The following BBS9 variants were observed in gnomAD, a reference collection of about 807,000 sequenced individuals.
The protein encoded by BBS9 is protein PTHB1.
A neutral mutation model predicts 117.7 loss-of-function variants in BBS9; 89 were observed. That is an observed-to-expected ratio of 0.76 (90% CI 0.64 to 0.90). The LOEUF is 0.90. BBS9 is among the 40% of genes least tolerant of loss of function. The pLI, the probability that BBS9 is intolerant of heterozygous loss-of-function variation, is 0.00. For missense variants in BBS9, 982 were observed against 1,042.2 expected (o/e 0.94, Z 0.80); for synonymous variants, 379 against 370.9 (o/e 1.02, Z -0.25).
At chr7:33,384,715 TGAGA>T (rs60567131) in intron 18 of BBS9, among the ~76,000 whole-genome samples, 34 of 144,754 alleles carry the variant, frequency 2.3e-4, no homozygotes, top group East Asian at 7.6e-4. Flanking sequence ...TGTGTGTGTG[TGAGA>T]GAGAGAGAGA....
intron 19 of BBS9, among the ~76,000 whole-genome samples, chr7:33,464,039 A>G (rs1439844174): frequency 6.6e-6 from 1 of 152,078 alleles, no homozygotes; most frequent in African/African-American, 2.4e-5. Flanking sequence ...TGGCAATTCT[A>G]AATTTTTTGT....
At chr7:33,604,658 A>G (rs1259524022) in intron 21 of BBS9, among the ~76,000 whole-genome samples, 5 of 152,200 alleles carry the variant, frequency 3.3e-5, no homozygotes, top group Non-Finnish European at 7.3e-5. Flanking sequence ...CATAATCAGT[A>G]TAATATGTCT....
rs1303550043 is a variant in BBS9 at position 33,388,140 on chromosome 7, A to G, written c.2111A>G (p.Lys704Arg). 6.2e-7 allele frequency: 1 copy of G among 1,613,982 alleles called. No homozygotes were observed. The highest frequency in any genetic ancestry group is 8.5e-7 in the Non-Finnish European group (1 of 1,179,964). Reference sequence around the variant, plus strand: ...GACACCTTGTTAGATGGAACCTACAAGCAGGTCAGTATAATATCAGTAACA... The same window carrying G: ...GACACCTTGTTAGATGGAACCTACAGGCAGGTCAGTATAATATCAGTAACA... ...HLDTLLDGTYKQVIALADAVE... is the reference protein window; with the variant it reads ...HLDTLLDGTYRQVIALADAVE... The change falls in exon 19 of 23, where the codon AAG becomes AGG. Residue 704 changes from lysine (K) to arginine (R), a missense_variant. Transcript: ENST00000242067.
chr7:33,367,045 G>C (rs189999831), intron 16 of BBS9, among the ~76,000 whole-genome samples: 8 of 152,256 alleles, frequency 5.3e-5, no homozygotes, highest in African/African-American at 1.9e-4. Context: ...AGATCCATTA[G>C]TTCACTACAG....
chr7:33,515,859 C>G (rs1252246118), intron 20 of BBS9, among the ~76,000 whole-genome samples: 3 of 152,186 alleles, frequency 2.0e-5, no homozygotes, highest in Admixed American at 1.3e-4. Flanking sequence ...TGCTGTCATT[C>G]TTCAGTCATG....
chr7:33,584,942 A>G (rs1585364147), intron 21 of BBS9, among the ~76,000 whole-genome samples: 1 of 152,110 alleles, frequency 6.6e-6, no homozygotes, highest in Non-Finnish European at 1.5e-5. Context: ...TTGTAATTAA[A>G]TTTTATCCTC....
intron 5 of BBS9, 68 bp downstream of exon 5, chr7:33,177,659 CAG>C: frequency 8.7e-7 from 1 of 1,147,542 alleles, no homozygotes; most frequent in Non-Finnish European, 1.3e-6. Context: ...TCATATAAAA[CAG>C]AGGATTAAGT....
In BBS9 at chr7:33,604,186, C is replaced by T. The variant is rs534469400; in HGVS notation, c.2522-679C>T. ...AAGTTGCAGATGTAGTCAGGAAATT[C>T]TCTCATGATTGTGAGTTTCCCATAC... On this transcript the variant is annotated intron_variant, in intron 21 of 22. Coordinates refer to ENST00000242067, the MANE Select transcript of BBS9 (RefSeq NM_198428.3). Among the ~76,000 whole-genome samples, 4 of 152,312 alleles carry T rather than the reference C, an allele frequency of 2.6e-5. No homozygotes were observed. In the South Asian group the frequency reaches 8.3e-4, roughly 32 times the overall value.
chr7:33,175,822 C>T (rs1056718967), intron 4 of BBS9, among the ~76,000 whole-genome samples: 1 of 152,142 alleles, frequency 6.6e-6, no homozygotes, highest in Non-Finnish European at 1.5e-5. Flanking sequence ...AATTTATTAA[C>T]ATATGCATTG....
chr7:33,419,767 C>A (rs980235093), intron 19 of BBS9, among the ~76,000 whole-genome samples: 4 of 152,054 alleles, frequency 2.6e-5, no homozygotes, highest in African/African-American at 7.2e-5. Flanking sequence ...TCATCAGGTT[C>A]AGAGAGATTA....
intron 9 of BBS9, chr7:33,314,304 A>G (rs1253508826): frequency 2.3e-6 from 1 of 428,234 alleles, no homozygotes; most frequent in Admixed American, 2.7e-5. Flanking sequence ...TCCACTTTAG[A>G]AAAATGAAGT....
rs929261629 is a variant in BBS9 at position 33,383,796 on chromosome 7, A to G, written c.1920A>G (p.Ile640Met). The change falls in exon 18 of 23, where the codon ATA (isoleucine) becomes ATG (methionine). Residue 640 changes from isoleucine to methionine, a missense_variant. Transcript: ENST00000242067. ...KDFACSFSGS[I>M]PLQEYFELID... The stretch of plus-strand genomic sequence containing the variant: ...TTGCATGTTCTTTTTCGGGATCTAT[A>G]CCCCTTCAAGAATATTTTGAGTTGA... 1 of 1,612,718 alleles carries G rather than the reference A, an allele frequency of 6.2e-7. No homozygotes were observed.
intron 2 of BBS9, among the ~76,000 whole-genome samples, chr7:33,151,652 C>T (rs1474745070): frequency 2.0e-5 from 3 of 151,912 alleles, no homozygotes; most frequent in Non-Finnish European, 4.4e-5. Context: ...CGGATTCCAG[C>T]GATTCTCCTG....
chr7:33,332,470 A>G lies in BBS9; in HGVS notation c.1017-3971A>G, dbSNP rs565262909. ...GAGGCAGGTGGATCACGAGGTCAGG[A>G]GTTCGAGACCAGCCTGGCCAAAATG... On this transcript the variant is annotated intron_variant, in intron 9 of 22. Coordinates refer to ENST00000242067, the MANE Select transcript of BBS9 (RefSeq NM_198428.3). Among the ~76,000 whole-genome samples, 6 of 152,338 alleles carry G rather than the reference A, an allele frequency of 3.9e-5. No homozygotes were observed. In the East Asian group the frequency reaches 1.2e-3, roughly 29 times the overall value.
At chr7:33,483,620 C>T (rs532137422) in intron 19 of BBS9, among the ~76,000 whole-genome samples, 3 of 144,880 alleles carry the variant, frequency 2.1e-5, no homozygotes, top group African/African-American at 5.3e-5. Context: ...TTAATAGATT[C>T]GAGTTTGATC....
chr7:33,393,510 C>A (rs931169007), intron 19 of BBS9, among the ~76,000 whole-genome samples: 1 of 152,108 alleles, frequency 6.6e-6, no homozygotes, highest in African/African-American at 2.4e-5. Context: ...CGTAGCTGGT[C>A]CTGGCCCTGT....
chr7:33,169,290 T>G (rs1028018327), intron 4 of BBS9, among the ~76,000 whole-genome samples: 1 of 150,476 alleles, frequency 6.6e-6, no homozygotes, highest in Non-Finnish European at 1.5e-5. Flanking sequence ...TGTGTCTTTA[T>G]AGCAGCATGA....
At chr7:33,295,249 T>C (rs1364863256) in intron 9 of BBS9, among the ~76,000 whole-genome samples, 1 of 152,112 alleles carries the variant, frequency 6.6e-6, no homozygotes, top group Non-Finnish European at 1.5e-5. Context: ...TTTCCTGATA[T>C]TTTTCTCCTG....
chr7:33,264,226 TTAAAA>T (rs1798422714), intron 6 of BBS9, 59 bp from the exon 7 acceptor site: 1 of 873,094 alleles, frequency 1.1e-6, no homozygotes, highest in Non-Finnish European at 1.6e-6. Context: ...CTTTTAAAGT[TTAAAA>T]TAATTTATAA....
Sources: allele counts gnomAD v4.1 joint callset (sites outside exome capture counted in the v4.1 genomes callset), GRCh38; gene constraint gnomAD v4.1.1; transcripts MANE v1.5; gene names NCBI Gene and HGNC (gene_info 2026-07-23, HGNC 2026-07-21).